USP29: variants seen among roughly 807,000 people sequenced by gnomAD.
The protein encoded by USP29 is ubiquitin carboxyl-terminal hydrolase 29.
For missense variants in USP29, 1,102 were observed against 1,069.0 expected (o/e 1.03, Z -0.43); for synonymous variants, 386 against 387.4 (o/e 1.00, Z 0.04).
intron 3 of USP29, among the ~76,000 whole-genome samples, chr19:57,124,416 CACA>C (rs1318935690): frequency 1.3e-5 from 2 of 150,378 alleles, no homozygotes; most frequent in Non-Finnish European, 3.0e-5. Flanking sequence ...AATTAGCTAG[CACA>C]ACAACTCGCC....
In USP29 at chr19:57,130,701, A is replaced by C; in HGVS notation, c.2026A>C (p.Arg676=). 6.2e-7 allele frequency: 1 copy of C among 1,614,196 alleles called. No individual in the cohort carries two copies. Among genetic ancestry groups the C allele is most frequent in the Non-Finnish European group, 8.5e-7 (1 of 1,180,044 alleles). The change falls in exon 4 of 4, where the codon AGG becomes CGG. Residue 676 remains arginine, a synonymous_variant. Coordinates refer to ENST00000254181, the MANE Select transcript of USP29 (RefSeq NM_020903.3). ...GAAGCTGATCAGCAGCCCAGACACA[A>C]GGCTTGTCGAGGTTCATCTTCAAGA... ...GGKLISSPDT[R]LVEVHLQEVP... is the part of the protein sequence containing the mutation.
intron 1 of USP29, 75 bp from the exon 2 acceptor site, chr19:57,122,250 G>T (rs990151812): frequency 6.6e-6 from 1 of 152,026 alleles, no homozygotes; most frequent in East Asian, 1.9e-4. Flanking sequence ...CCGTGATATG[G>T]GTGGAGCCAC....
chr19:57,129,693 G>A lies in USP29; in HGVS notation c.1018G>A (p.Asp340Asn). The A allele has an allele frequency of 6.2e-7, 1 of 1,614,004 alleles. No individual in the cohort carries two copies. Among genetic ancestry groups the A allele is most frequent in the Non-Finnish European group, 8.5e-7 (1 of 1,180,000 alleles). Reference protein sequence around the residue: ...MTLTQLLALKDFCSTKIKREL... With the variant: ...MTLTQLLALKNFCSTKIKREL... ...CTTGACCCAGCTGCTTGCTTTGAAA[G>A]ATTTCTGTAGTACAAAGATCAAGAG... Residue 340 changes from aspartate to asparagine, a missense_variant, in exon 4 of 4, where the codon GAT (aspartate) becomes AAT (asparagine). Coordinates refer to ENST00000254181, the MANE Select transcript of USP29 (RefSeq NM_020903.3).
chr19:57,126,877 T>G (rs941831789), intron 3 of USP29, among the ~76,000 whole-genome samples: 2 of 152,224 alleles, frequency 1.3e-5, no homozygotes, highest in Admixed American at 6.5e-5. Flanking sequence ...TGCTGGTTTT[T>G]CCTCATCTTT....
At chr19:57,124,420 A>G (rs2086812818) in intron 3 of USP29, among the ~76,000 whole-genome samples, 1 of 150,212 alleles carries the variant, frequency 6.7e-6, no homozygotes, top group Non-Finnish European at 1.5e-5. Flanking sequence ...AGCTAGCACA[A>G]CAACTCGCCA....
At chr19:57,122,914 G>A (rs2086805567) in intron 2 of USP29, among the ~76,000 whole-genome samples, 2 of 152,116 alleles carry the variant, frequency 1.3e-5, no homozygotes, top group Admixed American at 1.3e-4. Flanking sequence ...TTTATCAGCA[G>A]CAACAGGATG....
Position 57,128,962 on chromosome 19 carries a change from A to G in USP29, c.287A>G (p.Asn96Ser), listed in dbSNP as rs2086838198. Reference protein sequence around the residue: ...KLSYRDAKQLNMFLDIIHQNK... With the variant: ...KLSYRDAKQLSMFLDIIHQNK... ...TCCTACAGAGATGCTAAACAGTTGA[A>G]TATGTTCCTGGACATAATCCACCAA... Residue 96 changes from asparagine (N) to serine (S), a missense_variant, in exon 4 of 4, where the codon AAT becomes AGT. Asn to Ser is a conservative substitution (Grantham distance 46). Coordinates refer to ENST00000254181, the MANE Select transcript of USP29 (RefSeq NM_020903.3). The G allele has an allele frequency of 1.9e-6, 3 of 1,614,136 alleles. No individual in the cohort carries two copies. The highest frequency in any genetic ancestry group is 2.7e-5 in the African/African-American group (2 of 75,058).
chr19:57,126,556 T>G (rs1395267431), intron 3 of USP29, among the ~76,000 whole-genome samples: 1 of 151,960 alleles, frequency 6.6e-6, no homozygotes, highest in Non-Finnish European at 1.5e-5. Context: ...ATTTGGCTAT[T>G]GATACTTGTG....
Position 57,128,944 on chromosome 19 carries a change from G to C in USP29, c.269G>C (p.Arg90Thr). 1 of 1,614,032 alleles carries C rather than the reference G, an allele frequency of 6.2e-7. No homozygotes were observed. Among genetic ancestry groups the C allele is most frequent in the Non-Finnish European group, 8.5e-7 (1 of 1,179,998 alleles). The change falls in exon 4 of 4, where the codon AGA (arginine) becomes ACA (threonine). Residue 90 changes from arginine to threonine, a missense_variant. By Grantham distance (71) the Arg-to-Thr change is moderately conservative (BLOSUM62 -1). Transcript: ENST00000254181. The stretch of plus-strand genomic sequence containing the variant: ...TTGTTTATTGACAAATTATCCTACA[G>C]AGATGCTAAACAGTTGAATATGTTC... ...VFLFIDKLSY[R>T]DAKQLNMFLD...
At position 57,130,395 on chromosome 19, in the gene USP29, A is replaced by C. The variant is rs369718375; in HGVS notation, c.1720A>C (p.Asn574His). Residue 574 changes from asparagine to histidine, a missense_variant, in exon 4 of 4, where the codon AAC becomes CAC. Asn to His is a moderately conservative substitution (Grantham distance 68). Transcript: ENST00000254181. ...EVSQEMISEI[N>H]SPLTPSMKLT... ...CTCTCAGGAGATGATTTCTGAGATCAACAGCCCATTGACACCATCAATGAA... is the reference window on the plus strand; with the variant it reads ...CTCTCAGGAGATGATTTCTGAGATCCACAGCCCATTGACACCATCAATGAA... The C allele has an allele frequency of 2.7e-5, 43 of 1,614,116 alleles. No individual in the cohort carries two copies. The highest frequency in any genetic ancestry group is 3.5e-5 in the Non-Finnish European group (41 of 1,180,042).
chr19:57,125,901 C>T (rs545134713), intron 3 of USP29, among the ~76,000 whole-genome samples: 32 of 152,196 alleles, frequency 2.1e-4, no homozygotes, highest in African/African-American at 5.8e-4. Context: ...TGGCTGGTAC[C>T]GGCTTTTCCT....
At chr19:57,124,536 C>A (rs528944856) in intron 3 of USP29, among the ~76,000 whole-genome samples, 5 of 150,402 alleles carry the variant, frequency 3.3e-5, no homozygotes, top group African/African-American at 9.8e-5. Context: ...TCAGACAGAG[C>A]CTTGCTGTGT....
intron 1 of USP29, among the ~76,000 whole-genome samples, chr19:57,121,335 T>C (rs1004962520): frequency 4.8e-5 from 7 of 146,430 alleles, no homozygotes; most frequent in Non-Finnish European, 7.4e-5. Context: ...TTATATATTA[T>C]ATATACTTAT....
In USP29 at chr19:57,128,914, T is replaced by A; in HGVS notation, c.239T>A (p.Val80Glu). 9 of 1,613,866 alleles carry A rather than the reference T, an allele frequency of 5.6e-6. No homozygotes were observed. The highest frequency in any genetic ancestry group is 7.6e-6 in the Non-Finnish European group (9 of 1,179,940). Reference protein sequence around the residue: ...SHLRLTLKNNVFLFIDKLSYR... With the variant: ...SHLRLTLKNNEFLFIDKLSYR... Reference sequence around the variant, plus strand: ...CTGCGTTTAACTTTGAAAAACAACGTGTTCTTGTTTATTGACAAATTATCC... The same window carrying A: ...CTGCGTTTAACTTTGAAAAACAACGAGTTCTTGTTTATTGACAAATTATCC... The change falls in exon 4 of 4, where the codon GTG becomes GAG. Residue 80 changes from valine (V) to glutamate (E), a missense_variant. Coordinates refer to ENST00000254181, the MANE Select transcript of USP29 (RefSeq NM_020903.3).
At position 57,120,126 on chromosome 19, in the gene USP29, C is replaced by G. The variant is rs1435981286; in HGVS notation, c.-371C>G. 14 of 152,300 alleles carry G rather than the reference C, an allele frequency of 9.2e-5. No homozygotes were observed. The highest frequency in any genetic ancestry group is 9.2e-4 in the Admixed American group (14 of 15,266). 9.4% of individuals were successfully genotyped at this position (152,300 alleles called of 1,614,324 possible). A position where few individuals can be genotyped will look rare whatever the true frequency, so the allele number is the denominator to read the frequency against. On this transcript the variant is annotated 5_prime_UTR_variant, in exon 1 of 4. Coordinates refer to ENST00000254181, the MANE Select transcript of USP29 (RefSeq NM_020903.3). Reference sequence around the variant, plus strand: ...CTCCGGTTACGTAAAAACATTCAAACAGAAAATGCTGGCCAGGCTCATGCC... The same window carrying G: ...CTCCGGTTACGTAAAAACATTCAAAGAGAAAATGCTGGCCAGGCTCATGCC...
rs761871931 is a variant in USP29, at chr19:57,128,979, A to G, written c.304A>G (p.Ile102Val). Reference protein sequence around the residue: ...AKQLNMFLDIIHQNKSQQPMK... With the variant: ...AKQLNMFLDIVHQNKSQQPMK... ...ACAGTTGAATATGTTCCTGGACATA[A>G]TCCACCAAAACAAATCTCAGCAACC... Residue 102 changes from isoleucine to valine, a missense_variant, in exon 4 of 4, where the codon ATC becomes GTC. By Grantham distance (29) the Ile-to-Val change is conservative. Coordinates refer to ENST00000254181, the MANE Select transcript of USP29 (RefSeq NM_020903.3). 1 of 1,614,158 alleles carries G rather than the reference A, an allele frequency of 6.2e-7. No homozygotes were observed. Among genetic ancestry groups the G allele is most frequent in the South Asian group, 1.1e-5 (1 of 91,084 alleles).
Position 57,130,502 on chromosome 19 carries a change from CTG to C in USP29, c.1830_1831del (p.Cys610TrpfsTer26), listed in dbSNP as rs765404620. On this transcript the variant is annotated frameshift_variant, in exon 4 of 4. Transcript: ENST00000254181. LOFTEE classifies it low-confidence loss of function (END_TRUNC). ...NADLQRFQRD[C>X]GDASQEQHQR... ...CCGACCTACAAAGATTCCAGAGAGA[CTG>C]TGGAGATGCAAGCCAAGAGCAGCAT... 7 of 1,614,034 alleles carry C rather than the reference CTG, an allele frequency of 4.3e-6. No individual in the cohort carries two copies. In the African/African-American group the frequency reaches 6.7e-5, roughly 15 times the overall value.
chr19:57,124,465 GGGTT>G (rs1469214996), intron 3 of USP29, among the ~76,000 whole-genome samples: 4 of 77,922 alleles, frequency 5.1e-5, no homozygotes, highest in African/African-American at 2.4e-4. Context: ...GTTTTTTGTG[GGGTT>G]TTTTTTTTGG....
Position 57,128,891 on chromosome 19 carries a change from G to A in USP29, c.216G>A (p.Leu72=). The A allele has an allele frequency of 6.2e-7, 1 of 1,613,678 alleles. No individual in the cohort carries two copies. ...LRHCKKRQSH[L]RLTLKNNVFL... ...ATTGTAAAAAAAGACAAAGTCACCT[G>A]CGTTTAACTTTGAAAAACAACGTGT... The change falls in exon 4 of 4, where the codon CTG becomes CTA. Residue 72 remains leucine (L), a synonymous_variant. Coordinates refer to ENST00000254181, the MANE Select transcript of USP29 (RefSeq NM_020903.3).
Sources: gnomAD v4.1 joint callset for allele counts (sites outside exome capture counted in the v4.1 genomes callset) on GRCh38, gnomAD v4.1.1 for gene constraint, MANE v1.5 for transcripts, NCBI Gene and HGNC (gene_info 2026-07-23, HGNC 2026-07-21) for gene names.